SYT14: variants seen among roughly 807,000 people sequenced by gnomAD.
SYT14 encodes the protein synaptotagmin-14.
In SYT14, 32 loss-of-function variants were observed where a neutral mutation model predicts 74.2. That is an observed-to-expected ratio of 0.43 (90% CI 0.33 to 0.58). The LOEUF is 0.58. Among genes scored for constraint, SYT14 ranks in the 20% least tolerant of loss-of-function variants. The pLI, the probability that SYT14 is intolerant of heterozygous loss-of-function variation, is 0.05. For synonymous variants in SYT14, 298 were observed against 337.7 expected (o/e 0.88, Z 1.29); for missense variants, 791 against 981.8 (o/e 0.81, Z 2.60).
intron 7 of SYT14, among the ~76,000 whole-genome samples, chr1:210,131,897 A>C (rs2102641795): frequency 6.6e-6 from 1 of 152,208 alleles, no homozygotes; most frequent in South Asian, 2.1e-4. Context: ...TTGGCCTCTG[A>C]CACCAAGTAA....
chr1:209,983,152 T>C (rs2079517094), intron 2 of SYT14, among the ~76,000 whole-genome samples: 1 of 152,204 alleles, frequency 6.6e-6, no homozygotes, highest in Admixed American at 6.5e-5. Flanking sequence ...GCTTGTCTTC[T>C]CATTTTCTTC....
chr1:209,969,357 C>T (rs1019828360), intron 2 of SYT14, among the ~76,000 whole-genome samples: 1 of 152,088 alleles, frequency 6.6e-6, no homozygotes, highest in African/African-American at 2.4e-5. Context: ...TTTACATTAC[C>T]ATCCACAGTG....
At chr1:210,128,450 CAA>C in intron 7 of SYT14, among the ~76,000 whole-genome samples, 1 of 151,780 alleles carries the variant, frequency 6.6e-6, no homozygotes, top group Non-Finnish European at 1.5e-5. Flanking sequence ...TAAATGCAAA[CAA>C]AAGTTTGCAA....
intron 1 of SYT14, among the ~76,000 whole-genome samples, chr1:209,945,368 A>G (rs1201225866): frequency 1.3e-5 from 2 of 152,194 alleles, no homozygotes; most frequent in African/African-American, 4.8e-5. Flanking sequence ...TAAATTGGTG[A>G]CCAAAATTGG....
chr1:210,142,884 T>A (rs1448663213), intron 7 of SYT14, among the ~76,000 whole-genome samples: 1 of 152,220 alleles, frequency 6.6e-6, no homozygotes, highest in Non-Finnish European at 1.5e-5. Flanking sequence ...GATCTATTTT[T>A]AAAACACTTA....
rs556560441 is a variant in SYT14, at chr1:210,035,945, G to A, written c.1312+14691G>A. Among the ~76,000 whole-genome samples the A allele has an allele frequency of 1.5e-3, 224 of 152,026 alleles. 1 individual carries two copies. The highest frequency in any genetic ancestry group is 5.1e-3 in the African/African-American group (212 of 41,518). On this transcript the variant is annotated intron_variant, in intron 5 of 9. Transcript: ENST00000637265. Reference sequence around the variant, plus strand: ...TGTTTTTTCTAATTCCGTGAAAAACGATATTGTTATTTTGTTGGGGATTAC... The same window carrying A: ...TGTTTTTTCTAATTCCGTGAAAAACAATATTGTTATTTTGTTGGGGATTAC...
chr1:210,147,823 C>T (rs1252150657), intron 7 of SYT14, among the ~76,000 whole-genome samples: 4 of 151,960 alleles, frequency 2.6e-5, no homozygotes, highest in Non-Finnish European at 4.4e-5. Flanking sequence ...GTATAAGGCT[C>T]ATTGGGAATG....
At chr1:209,981,913 C>T (rs1019584172) in intron 2 of SYT14, among the ~76,000 whole-genome samples, 1 of 151,876 alleles carries the variant, frequency 6.6e-6, no homozygotes, top group Admixed American at 6.6e-5. Context: ...TTTTCTTTAG[C>T]GTTGACCTTG....
At position 209,991,549 on chromosome 1, in the gene SYT14, A is replaced by G. The variant is rs574647158; in HGVS notation, c.-485-22084A>G. Among the ~76,000 whole-genome samples the G allele has an allele frequency of 5.3e-5, 8 of 152,358 alleles. No individual in the cohort carries two copies. The East Asian group carries it at 1.3e-3, about 26-fold the overall frequency. On this transcript the variant is annotated intron_variant, in intron 2 of 9. Coordinates refer to ENST00000637265, the Ensembl canonical transcript of SYT14. Reference sequence around the variant, plus strand: ...GAAAAAATGCTCAACATCACTAATCATCAGAGAAATGCAAATTAAAACCAC... The same window carrying G: ...GAAAAAATGCTCAACATCACTAATCGTCAGAGAAATGCAAATTAAAACCAC...
intron 5 of SYT14, among the ~76,000 whole-genome samples, chr1:210,079,523 A>G (rs1291685359): frequency 1.3e-5 from 2 of 152,148 alleles, no homozygotes; most frequent in African/African-American, 2.4e-5. Flanking sequence ...CTTGTGGCTC[A>G]TTTGGGCGTG....
chr1:210,045,273 A>G (rs965182386), intron 5 of SYT14, among the ~76,000 whole-genome samples: 1 of 152,224 alleles, frequency 6.6e-6, no homozygotes, highest in Non-Finnish European at 1.5e-5. Flanking sequence ...CTGTTTATTC[A>G]TAATAGTGCT....
rs1006422391 is a variant in SYT14 at position 210,022,174 on chromosome 1, A to G, written c.1312+920A>G. On this transcript the variant is annotated intron_variant, in intron 5 of 9. Transcript: ENST00000637265. Reference sequence around the variant, plus strand: ...ACTTAATGTTTTAGGGCCTATTACTATTGATGACTTAAAGTTTTATCCCAG... The same window carrying G: ...ACTTAATGTTTTAGGGCCTATTACTGTTGATGACTTAAAGTTTTATCCCAG... Among the ~76,000 whole-genome samples the G allele has an allele frequency of 9.9e-5, 15 of 152,188 alleles. No individual in the cohort carries two copies. The South Asian group carries it at 1.2e-3, about 13-fold the overall frequency.
At chr1:209,994,281 C>A (rs1449366721) in intron 2 of SYT14, among the ~76,000 whole-genome samples, 1 of 152,070 alleles carries the variant, frequency 6.6e-6, no homozygotes, top group Non-Finnish European at 1.5e-5. Flanking sequence ...GAGGAAATAA[C>A]CATTTTAAGA....
chr1:210,152,535 T>C (rs1265604322), intron 7 of SYT14, among the ~76,000 whole-genome samples: 1 of 152,198 alleles, frequency 6.6e-6, no homozygotes, highest in East Asian at 1.9e-4. Flanking sequence ...CTTTTCATCA[T>C]GTAATTCTTT....
chr1:210,089,034 T>A (rs948752419), intron 5 of SYT14, among the ~76,000 whole-genome samples: 3 of 152,072 alleles, frequency 2.0e-5, no homozygotes, highest in Non-Finnish European at 4.4e-5. Context: ...CCCCTAGCCC[T>A]CCATCCCCTG....
chr1:209,971,289 T>C (rs1035253892), intron 2 of SYT14, among the ~76,000 whole-genome samples: 2 of 152,000 alleles, frequency 1.3e-5, no homozygotes, highest in South Asian at 4.1e-4. Flanking sequence ...TTTCGTGGAG[T>C]CTTTAGGGTT....
Position 210,100,896 on chromosome 1 carries a change from G to A in SYT14, c.2034+435G>A, listed in dbSNP as rs563684388. Among the ~76,000 whole-genome samples, 15 of 152,098 alleles carry A rather than the reference G, an allele frequency of 9.9e-5. No individual in the cohort carries two copies. In the South Asian group the frequency reaches 2.1e-3, roughly 21 times the overall value. On this transcript the variant is annotated intron_variant, in intron 7 of 9. Transcript: ENST00000637265. ...TTTGCCCTTACAGAATATATATACC[G>A]CTCCCTAGGTCCCGACTGGATATGT...
intron 4 of SYT14, among the ~76,000 whole-genome samples, chr1:210,019,397 T>C (rs189625036): frequency 1.4e-4 from 21 of 152,306 alleles, no homozygotes; most frequent in Admixed American, 3.9e-4. Context: ...AAAAGTCTTA[T>C]ATCTCTGCAT....
intron 5 of SYT14, among the ~76,000 whole-genome samples, chr1:210,055,567 A>G (rs982044989): frequency 1.3e-5 from 2 of 152,052 alleles, no homozygotes; most frequent in Non-Finnish European, 2.9e-5. Flanking sequence ...CTATATTCCC[A>G]ACACTTTGGG....
Sources: gnomAD v4.1 joint callset for allele counts (sites outside exome capture counted in the v4.1 genomes callset) on GRCh38, gnomAD v4.1.1 for gene constraint, MANE v1.5 for transcripts, NCBI Gene and HGNC (gene_info 2026-07-23, HGNC 2026-07-21) for gene names.